The following CENPF variants were observed in gnomAD, a reference collection of about 807,000 sequenced individuals.
The protein encoded by CENPF is centromere protein F.
CENPF carries 214 observed loss-of-function variants against 307.3 expected under a neutral mutation model. The observed-to-expected ratio is 0.70, with a 90% CI of 0.62 to 0.78. The LOEUF (loss-of-function observed/expected upper bound fraction) is 0.78. Ranked by LOEUF, CENPF falls within the 30% of genes least tolerant of loss-of-function variation. The pLI, the probability that CENPF is intolerant of heterozygous loss-of-function variation, is 0.00. For synonymous variants in CENPF, 1,259 were observed against 1,270.6 expected, an observed-to-expected ratio of 0.99 and a Z score of 0.19; for missense variants, 3,401 against 3,483.9, an observed-to-expected ratio of 0.98 and a Z score of 0.60.
Position 214,618,592 on chromosome 1 carries a change from A to G in CENPF, c.379A>G (p.Arg127Gly). The G allele has an allele frequency of 1.2e-6, 2 of 1,614,008 alleles. No individual in the cohort carries two copies. Among genetic ancestry groups the G allele is most frequent in the Non-Finnish European group, 1.7e-6 (2 of 1,179,958 alleles). Residue 127 changes from arginine to glycine, a missense_variant, in exon 4 of 20, where the codon AGA becomes GGA. By Grantham distance (125) the Arg-to-Gly change is moderately radical. Coordinates refer to ENST00000366955, the MANE Select transcript of CENPF (RefSeq NM_016343.4). Reference sequence around the variant, plus strand: ...TAACAGGTGTAAATCTGAGCTTGAAAGAAGCCAACAAGCTGCGCAGTCTGC... The same window carrying G: ...TAACAGGTGTAAATCTGAGCTTGAAGGAAGCCAACAAGCTGCGCAGTCTGC... ...ELKRCKSELE[R>G]SQQAAQSADV...
rs1428270749 is a variant in CENPF at position 214,647,097 on chromosome 1, A to T, written c.7527A>T (p.Glu2509Asp). ...CTTCAGTGAATGGCCTCATTCAAGA[A>T]GTAGAAGATGGCAAGCAGAAACTGG... Reference protein sequence around the residue: ...LQSSVNGLIQEVEDGKQKLEK... With the variant: ...LQSSVNGLIQDVEDGKQKLEK... Residue 2509 changes from glutamate to aspartate, a missense_variant, in exon 13 of 20, where the codon GAA becomes GAT. Coordinates refer to ENST00000366955, the MANE Select transcript of CENPF (RefSeq NM_016343.4). 3 of 1,614,094 alleles carry T rather than the reference A, an allele frequency of 1.9e-6. No individual in the cohort carries two copies. Among genetic ancestry groups the T allele is most frequent in the Admixed American group, 1.7e-5 (1 of 60,004 alleles).
chr1:214,614,577 T>C (rs1657285426), intron 2 of CENPF, among the ~76,000 whole-genome samples: 1 of 152,184 alleles, frequency 6.6e-6, no homozygotes, highest in South Asian at 2.1e-4. Flanking sequence ...TCCTATTTTT[T>C]AATTTTTGAA....
rs761594625 is a variant in CENPF, at chr1:214,638,002, G to A, written c.1582+1G>A. ...CAGAATTTTGCAGAAGAAATGAAAG[G>A]TAAGTAAACTTAGTATTTTAGAGTT... is the stretch of plus-strand genomic sequence containing the variant. On this transcript the variant is annotated splice_donor_variant, in intron 11 of 19. Transcript: ENST00000366955. LOFTEE classifies it high-confidence loss of function. 5 of 1,607,526 alleles carry A rather than the reference G, an allele frequency of 3.1e-6. No individual in the cohort carries two copies. The highest frequency in any genetic ancestry group is 4.2e-6 in the Non-Finnish European group (5 of 1,178,332).
chr1:214,604,353 C>T (rs954873411), intron 1 of CENPF, among the ~76,000 whole-genome samples: 14 of 152,290 alleles, frequency 9.2e-5, no homozygotes, highest in Middle Eastern at 3.4e-3. Flanking sequence ...TCACTCCCCA[C>T]CTCGATTCCC....
chr1:214,651,674 G>A (rs894954313), intron 14 of CENPF, 36 bp from the exon 15 acceptor site: 1 of 1,436,002 alleles, frequency 7.0e-7, no homozygotes, highest in Admixed American at 2.3e-5. Context: ...TAATTATGAG[G>A]AGGTGCTATT....
At position 214,647,313 on chromosome 1, in the gene CENPF, C is replaced by A. The variant is rs542236340; in HGVS notation, c.7743C>A (p.Asp2581Glu). ...VLQSKNASLQ[D>E]TLEVLQSSYK... Reference sequence around the variant, plus strand: ...AATCCAAAAATGCCTCTTTGCAGGACACATTAGAAGTGCTGCAGAGTTCTT... The same window carrying A: ...AATCCAAAAATGCCTCTTTGCAGGAAACATTAGAAGTGCTGCAGAGTTCTT... The change falls in exon 13 of 20, where the codon GAC becomes GAA. Residue 2581 changes from aspartate (D) to glutamate (E), a missense_variant. Coordinates refer to ENST00000366955, the MANE Select transcript of CENPF (RefSeq NM_016343.4). 56 of 1,614,020 alleles carry A rather than the reference C, an allele frequency of 3.5e-5. No homozygotes were observed. The South Asian group carries it at 5.8e-4, about 17-fold the overall frequency.
At chr1:214,639,232 T>TATGTATAG (rs1257003139) in intron 11 of CENPF, among the ~76,000 whole-genome samples, 9 of 152,176 alleles carry the variant, frequency 5.9e-5, no homozygotes, top group African/African-American at 2.2e-4. Flanking sequence ...GAGGGGCCAG[T>TATGTATAG]ATGTATAGAT....
At chr1:214,652,592 T>A (rs973202618) in intron 15 of CENPF, among the ~76,000 whole-genome samples, 1 of 150,000 alleles carries the variant, frequency 6.7e-6, no homozygotes. Context: ...TATAGGCGCC[T>A]GCCACCACGC....
intron 15 of CENPF, 49 bp downstream of exon 15, chr1:214,651,935 T>A: frequency 2.7e-6 from 4 of 1,476,846 alleles, no homozygotes; most frequent in Non-Finnish European, 3.6e-6. Context: ...TGTATTTTGA[T>A]CATGGTAAGG....
At position 214,629,798 on chromosome 1, in the gene CENPF, C is replaced by T. The variant is rs897477657; in HGVS notation, c.1194+627C>T. Among the ~76,000 whole-genome samples, 4 of 152,108 alleles carry T rather than the reference C, an allele frequency of 2.6e-5. No individual in the cohort carries two copies. The East Asian group carries it at 7.7e-4, about 29-fold the overall frequency. Reference sequence around the variant, plus strand: ...AACTCCTGACCTCAGGTGATTCACCCACCTTGGCCTCCCAAAGTGCTGGGA... The same window carrying T: ...AACTCCTGACCTCAGGTGATTCACCTACCTTGGCCTCCCAAAGTGCTGGGA... On this transcript the variant is annotated intron_variant, in intron 8 of 19. Coordinates refer to ENST00000366955, the MANE Select transcript of CENPF (RefSeq NM_016343.4).
Position 214,641,988 on chromosome 1 carries a change from T to G in CENPF, c.3650T>G (p.Leu1217Arg), listed in dbSNP as rs764330736. ...NAQLVQLEAM[L>R]RNKELKLQES... The stretch of plus-strand genomic sequence containing the variant: ...CAGTTGGTGCAATTAGAAGCTATGC[T>G]AAGAAATAAGGAATTAAAACTTCAG... The change falls in exon 12 of 20, where the codon CTA becomes CGA. Residue 1217 changes from leucine to arginine, a missense_variant. By Grantham distance (102) the Leu-to-Arg change is moderately radical. Transcript: ENST00000366955. The G allele has an allele frequency of 6.2e-6, 10 of 1,608,186 alleles. No individual in the cohort carries two copies. In the Admixed American group the frequency reaches 1.7e-4, roughly 27 times the overall value.
chr1:214,628,474 G>T (rs1172587809), intron 7 of CENPF, among the ~76,000 whole-genome samples: 1 of 151,618 alleles, frequency 6.6e-6, no homozygotes, highest in Non-Finnish European at 1.5e-5. Flanking sequence ...ACAGAATCTC[G>T]CTCTAATTGC....
chr1:214,618,865 A>G (rs1196595111), intron 4 of CENPF, among the ~76,000 whole-genome samples, 171 bp downstream of exon 4: 4 of 152,224 alleles, frequency 2.6e-5, no homozygotes, highest in Non-Finnish European at 4.4e-5. Flanking sequence ...ATGTTGAGCT[A>G]CTGGATTGAG....
chr1:214,637,697 ATTAT>A (rs1349689457), intron 10 of CENPF, among the ~76,000 whole-genome samples, 165 bp from the exon 11 acceptor site: 4 of 152,182 alleles, frequency 2.6e-5, no homozygotes, highest in Admixed American at 2.6e-4. Context: ...TGTTCATAAC[ATTAT>A]TTAAGTAAGA....
rs1050066 is a variant in CENPF at position 214,620,896 on chromosome 1, A to G, written c.815A>G (p.Asp272Gly). The G allele has an allele frequency of 1.2e-6, 2 of 1,613,970 alleles. No homozygotes were observed. The highest frequency in any genetic ancestry group is 2.7e-5 in the African/African-American group (2 of 74,934). Residue 272 changes from aspartate (D) to glycine (G), a missense_variant, in exon 6 of 20, where the codon GAC (aspartate) becomes GGC (glycine). By Grantham distance (94) the Asp-to-Gly change is moderately conservative. Coordinates refer to ENST00000366955, the MANE Select transcript of CENPF (RefSeq NM_016343.4). Reference sequence around the variant, plus strand: ...AGAGATGCTAATAGCAGTTTCTTTGACAATTCTAGCAGTCCTCATCTTTTG... The same window carrying G: ...AGAGATGCTAATAGCAGTTTCTTTGGCAATTCTAGCAGTCCTCATCTTTTG... ...GKRDANSSFF[D>G]NSSSPHLLDQ...
Position 214,647,401 on chromosome 1 carries a change from G to GT in CENPF, c.7830+2dup. On this transcript the variant is annotated splice_donor_variant, in intron 13 of 19. Coordinates refer to ENST00000366955, the MANE Select transcript of CENPF (RefSeq NM_016343.4). LOFTEE classifies it high-confidence loss of function. ...GGACAAAATGTCCTTTGTTGAAAAAGTAAGTGGCTATATCTGTTTATGTTT... is the reference window on the plus strand; with the variant it reads ...GGACAAAATGTCCTTTGTTGAAAAAGTTAAGTGGCTATATCTGTTTATGTTT... 6.2e-7 allele frequency: 1 copy of GT among 1,603,216 alleles called. No individual in the cohort carries two copies. Among genetic ancestry groups the GT allele is most frequent in the Non-Finnish European group, 8.5e-7 (1 of 1,174,422 alleles).
chr1:214,617,555 T>A (rs1221267183), intron 3 of CENPF, among the ~76,000 whole-genome samples: 1 of 152,358 alleles, frequency 6.6e-6, no homozygotes, highest in African/African-American at 2.4e-5. Context: ...TAGTTCTGAA[T>A]ACCTTTATAC....
intron 11 of CENPF, 55 bp from the exon 12 acceptor site, chr1:214,639,866 C>T (rs1658058447): frequency 7.6e-7 from 1 of 1,317,360 alleles, no homozygotes; most frequent in African/African-American, 1.5e-5. Flanking sequence ...GTTAGCGTTT[C>T]TGTAGAATAA....
At chr1:214,630,483 T>A in intron 8 of CENPF, 51 bp from the exon 9 acceptor site, 1 of 1,606,672 alleles carries the variant, frequency 6.2e-7, no homozygotes, top group Non-Finnish European at 8.5e-7. Flanking sequence ...CACCCTGGAG[T>A]CTCCCTAGCG....
Sources: allele counts gnomAD v4.1 joint callset (sites outside exome capture counted in the v4.1 genomes callset), GRCh38; gene constraint gnomAD v4.1.1; transcripts MANE v1.5; gene names NCBI Gene and HGNC (gene_info 2026-07-23, HGNC 2026-07-21).